ACO1: variants seen among roughly 807,000 people sequenced by gnomAD.
The protein encoded by ACO1 is cytoplasmic aconitate hydratase.
In ACO1, 78 loss-of-function variants were observed where a neutral mutation model predicts 105.1. That is an observed-to-expected ratio of 0.74 (90% CI 0.62 to 0.90). The LOEUF is 0.90. Among genes scored for constraint, ACO1 ranks in the 40% least tolerant of loss-of-function variants. The probability of loss-of-function intolerance (pLI) is 0.00; values close to 1 mark genes in which losing one functional copy is unlikely to be tolerated. For synonymous variants in ACO1, 364 were observed against 397.4 expected (o/e 0.92, Z 1.00); for missense variants, 965 against 1,111.1 (o/e 0.87, Z 1.87).
chr9:32,440,526 C>T lies in ACO1; in HGVS notation c.2309C>T (p.Ala770Val), dbSNP rs1263660565. Reference sequence around the variant, plus strand: ...GCAGGCCTTCCCCTGATCGTTCTGGCTGGCAAAGAGTACGGTGCAGGCAGC... The same window carrying T: ...GCAGGCCTTCCCCTGATCGTTCTGGTTGGCAAAGAGTACGGTGCAGGCAGC... ...QQAGLPLIVL[A>V]GKEYGAGSSR... The change falls in exon 19 of 21, where the codon GCT becomes GTT. Residue 770 changes from alanine to valine, a missense_variant. By Grantham distance (64) the Ala-to-Val change is moderately conservative. Coordinates refer to ENST00000309951, the MANE Select transcript of ACO1 (RefSeq NM_002197.3). The T allele has an allele frequency of 6.2e-7, 1 of 1,614,028 alleles. No individual in the cohort carries two copies. The highest frequency in any genetic ancestry group is 2.2e-5 in the East Asian group (1 of 44,862).
intron 1 of ACO1, chr9:32,386,286 C>G (rs773896912): frequency 6.6e-6 from 1 of 152,232 alleles, no homozygotes; most frequent in Non-Finnish European, 1.5e-5. Flanking sequence ...GTGTTCATTT[C>G]TGTTTGCAGT....
intron 7 of ACO1, 129 bp from the exon 8 acceptor site, chr9:32,420,727 A>G (rs1046601629): frequency 1.1e-6 from 1 of 927,410 alleles, no homozygotes; most frequent in Non-Finnish European, 1.6e-6. Flanking sequence ...AGTGATCACA[A>G]ATGTGTTGGG....
At chr9:32,394,198 CTG>C (rs1230006305) in intron 1 of ACO1, among the ~76,000 whole-genome samples, 3 of 152,176 alleles carry the variant, frequency 2.0e-5, no homozygotes, top group Non-Finnish European at 4.4e-5. Flanking sequence ...CTCTGTACCT[CTG>C]TGTAATTCTG....
intron 16 of ACO1, 86 bp from the exon 17 acceptor site, chr9:32,434,473 G>C: frequency 6.6e-7 from 1 of 1,515,746 alleles, no homozygotes; most frequent in Middle Eastern, 1.7e-4. Flanking sequence ...TCTGATTCAG[G>C]TCCATGGGCC....
chr9:32,409,471 C>T (rs927092958), intron 4 of ACO1, among the ~76,000 whole-genome samples: 1 of 152,208 alleles, frequency 6.6e-6, no homozygotes, highest in Non-Finnish European at 1.5e-5. Flanking sequence ...AAAAACTAAA[C>T]AACTCTGAGG....
At chr9:32,442,726 T>G (rs541018351) in intron 19 of ACO1, among the ~76,000 whole-genome samples, 1 of 152,202 alleles carries the variant, frequency 6.6e-6, no homozygotes, top group African/African-American at 2.4e-5. Context: ...AGGGAAAAAT[T>G]TTATGTTGTT....
intron 1 of ACO1, among the ~76,000 whole-genome samples, chr9:32,385,691 G>T (rs1402835100): frequency 1.3e-5 from 2 of 152,224 alleles, no homozygotes; most frequent in African/African-American, 4.8e-5. Context: ...TGCTTCTGCA[G>T]TCTGTTGCAA....
chr9:32,434,640 A>G lies in ACO1; in HGVS notation c.2038A>G (p.Ile680Val). 1 of 1,614,068 alleles carries G rather than the reference A, an allele frequency of 6.2e-7. No individual in the cohort carries two copies. The highest frequency in any genetic ancestry group is 1.1e-5 in the South Asian group (1 of 91,072). Residue 680 changes from isoleucine (I) to valine (V), a missense_variant, in exon 17 of 21, where the codon ATC becomes GTC. Ile to Val is a conservative substitution (Grantham distance 29). Transcript: ENST00000309951. ...GGGAGATTCGGTAACAACTGACCACATCTCCCCAGCTGGAAATATTGCAAG... is the reference window on the plus strand; with the variant it reads ...GGGAGATTCGGTAACAACTGACCACGTCTCCCCAGCTGGAAATATTGCAAG... ...NLGDSVTTDH[I>V]SPAGNIARNS...
intron 2 of ACO1, among the ~76,000 whole-genome samples, chr9:32,406,486 G>T (rs923735507): frequency 6.6e-6 from 1 of 152,090 alleles, no homozygotes; most frequent in African/African-American, 2.4e-5. Flanking sequence ...AGCTGGGTGT[G>T]GTGATGCTTA....
At chr9:32,448,471 G>A (rs1822672510) in intron 19 of ACO1, among the ~76,000 whole-genome samples, 1 of 152,218 alleles carries the variant, frequency 6.6e-6, no homozygotes, top group Non-Finnish European at 1.5e-5. Flanking sequence ...CCTTGTGGGT[G>A]GGACCCACCA....
chr9:32,440,696 G>T lies in ACO1; in HGVS notation c.2370+109G>T, dbSNP rs539660694. The stretch of plus-strand genomic sequence containing the variant: ...CCAAGAAGATGTCAAGGAAGAGCAA[G>T]CTCAAAAAAGCAGGTAGTGTTTATT... On this transcript the variant is annotated intron_variant, in intron 19 of 20. Transcript: ENST00000309951. 3.7e-5 allele frequency: 52 copies of T among 1,407,910 alleles called. No individual in the cohort carries two copies. In the African/African-American group the frequency reaches 7.1e-4, roughly 19 times the overall value. 87.2% of individuals were successfully genotyped at this position (1,407,910 alleles called of 1,614,324 possible). A position where few individuals can be genotyped will look rare whatever the true frequency, so the allele number is the denominator to read the frequency against.
At position 32,420,941 on chromosome 9, in the gene ACO1, C is replaced by T. The variant is rs756114734; in HGVS notation, c.884C>T (p.Thr295Met). The change falls in exon 8 of 21, where the codon ACG (threonine) becomes ATG (methionine). Residue 295 changes from threonine (T) to methionine (M), a missense_variant. Physicochemically the swap from Thr to Met is moderately conservative, Grantham distance 81. Transcript: ENST00000309951. ...CAGTTGTCCATTGCTGACCGAGCTA[C>T]GATTGCTAACATGTGTCCAGAGTAC... is the stretch of plus-strand genomic sequence containing the variant. ...VAQLSIADRA[T>M]IANMCPEYGA... The T allele has an allele frequency of 1.7e-5, 28 of 1,613,954 alleles. No individual in the cohort carries two copies. Among genetic ancestry groups the T allele is most frequent in the Admixed American group, 1.2e-4 (7 of 59,986 alleles).
At chr9:32,418,838 G>T (rs969708856) in intron 6 of ACO1, among the ~76,000 whole-genome samples, 200 bp from the exon 7 acceptor site, 24 of 152,156 alleles carry the variant, frequency 1.6e-4, no homozygotes, top group African/African-American at 5.8e-4. Flanking sequence ...GTGTTTGGGG[G>T]ACCATGCTTT....
Position 32,429,492 on chromosome 9 carries a change from G to A in ACO1, c.1558G>A (p.Ala520Thr). Residue 520 changes from alanine to threonine, a missense_variant, in exon 13 of 21, where the codon GCC becomes ACC. Coordinates refer to ENST00000309951, the MANE Select transcript of ACO1 (RefSeq NM_002197.3). ...GCCTTTACCTGAACCTGTGGTAGAA[G>A]CCATCACACAGGTAATTGCAGAGGT... The part of the protein sequence containing the change: ...SGPLPEPVVE[A>T]ITQGDLVAVG... The A allele has an allele frequency of 6.2e-7, 1 of 1,614,088 alleles. No individual in the cohort carries two copies. The highest frequency in any genetic ancestry group is 2.2e-5 in the East Asian group (1 of 44,874).
At chr9:32,422,893 G>T (rs1822005995) in intron 8 of ACO1, among the ~76,000 whole-genome samples, 1 of 152,216 alleles carries the variant, frequency 6.6e-6, no homozygotes, top group African/African-American at 2.4e-5. Flanking sequence ...GTAGCCAGTG[G>T]TTTCAGGTGG....
intron 8 of ACO1, 47 bp downstream of exon 8, chr9:32,421,074 TG>T: frequency 6.3e-7 from 1 of 1,587,142 alleles, no homozygotes; most frequent in Non-Finnish European, 8.6e-7. Context: ...AAAAGTTCCA[TG>T]AAACACCAAG....
intron 3 of ACO1, 133 bp downstream of exon 3, chr9:32,407,562 C>T: frequency 3.7e-6 from 3 of 820,796 alleles, no homozygotes; most frequent in Non-Finnish European, 5.2e-6. Context: ...TATTATATAC[C>T]CATATCCAGA....
rs1248214101 is a variant in ACO1 at position 32,451,519 on chromosome 9, TG to T, written c.*1410del. 6.6e-6 allele frequency: 1 copy of T among 152,236 alleles called. No individual in the cohort carries two copies. Among genetic ancestry groups the T allele is most frequent in the Non-Finnish European group, 1.5e-5 (1 of 68,076 alleles). The allele number at this position is 152,236 out of a possible 1,614,324, so 9.4% of individuals were successfully genotyped here. ...ACCTGGGGAGGGGCATGGGGAATGC[TG>T]GTATAAGTCCCAGAGTCTGAATGCC... On this transcript the variant is annotated 3_prime_UTR_variant, in exon 21 of 21. Transcript: ENST00000309951.
At position 32,421,116 on chromosome 9, in the gene ACO1, A is replaced by G. The variant is rs947153755; in HGVS notation, c.970+89A>G. On this transcript the variant is annotated intron_variant, in intron 8 of 20. Transcript: ENST00000309951. ...GAGCACTGCCTTCTGCCTCTACCCA[A>G]CAGAAGGCACTGGGTTACAGTTACA... The G allele has an allele frequency of 1.2e-5, 16 of 1,361,404 alleles. No homozygotes were observed. The East Asian group carries it at 3.5e-4, about 30-fold the overall frequency. 84.3% of individuals were successfully genotyped at this position (1,361,404 alleles called of 1,614,324 possible). A position where few individuals can be genotyped will look rare whatever the true frequency, so the allele number is the denominator to read the frequency against.
Sources: gnomAD v4.1 joint callset for allele counts (sites outside exome capture counted in the v4.1 genomes callset) on GRCh38, gnomAD v4.1.1 for gene constraint, MANE v1.5 for transcripts, NCBI Gene and HGNC (gene_info 2026-07-23, HGNC 2026-07-21) for gene names.